NFAT5: variants seen among roughly 807,000 people sequenced by gnomAD.
NFAT5 encodes nuclear factor of activated T cells 5.
Under a neutral mutation model 166.5 loss-of-function variants are expected in NFAT5, and 31 were observed. That is an observed-to-expected ratio of 0.19 (90% CI 0.14 to 0.25). NFAT5 has a LOEUF of 0.25. Among genes scored for constraint, NFAT5 ranks in the 10% least tolerant of loss-of-function variants. NFAT5 has a pLI of 1.00. For synonymous variants in NFAT5, 612 were observed against 639.7 expected (o/e 0.96, Z 0.65); for missense variants, 1,449 against 1,821.8 (o/e 0.80, Z 3.72).
At chr16:69,649,532 A>G (rs1266557641) in intron 4 of NFAT5, 2 of 984,506 alleles carry the variant, frequency 2.0e-6, no homozygotes, top group African/African-American at 3.5e-5. Context: ...TGGAGCAGAA[A>G]TTCCATCAAG....
chr16:69,619,749 C>T (rs965992623), intron 2 of NFAT5, among the ~76,000 whole-genome samples: 1 of 152,154 alleles, frequency 6.6e-6, no homozygotes, highest in Non-Finnish European at 1.5e-5. Flanking sequence ...CTGGAATGAC[C>T]AGTAACAGTA....
intron 3 of NFAT5, among the ~76,000 whole-genome samples, chr16:69,642,788 G>A (rs1172269541): frequency 2.0e-5 from 3 of 151,154 alleles, no homozygotes; most frequent in Non-Finnish European, 4.4e-5. Context: ...CTGTACTCTA[G>A]CCTTGGCAAC....
intron 2 of NFAT5, among the ~76,000 whole-genome samples, chr16:69,586,528 G>A (rs1414594995): frequency 6.6e-6 from 1 of 151,882 alleles, no homozygotes; most frequent in African/African-American, 2.4e-5. Context: ...TCAGCCTCCC[G>A]AGTAGCTGGG....
intron 2 of NFAT5, among the ~76,000 whole-genome samples, chr16:69,612,235 A>G (rs2033735585): frequency 6.6e-6 from 1 of 152,206 alleles, no homozygotes; most frequent in South Asian, 2.1e-4. Flanking sequence ...GCCGAACCTT[A>G]GTCAGAGAAG....
intron 10 of NFAT5, among the ~76,000 whole-genome samples, chr16:69,683,199 G>A (rs960448350): frequency 6.6e-5 from 10 of 151,654 alleles, no homozygotes; most frequent in Non-Finnish European, 1.2e-4. Flanking sequence ...CAACAAGAGC[G>A]AAACTCCGTC....
At chr16:69,675,946 CTTTATTTATAA>C (rs2036816163) in intron 9 of NFAT5, among the ~76,000 whole-genome samples, 1 of 151,994 alleles carries the variant, frequency 6.6e-6, no homozygotes, top group Non-Finnish European at 1.5e-5. Context: ...TGGCCTAGTT[CTTTATTTATAA>C]TGTGACTGTA....
chr16:69,692,354 G>A lies in NFAT5; in HGVS notation c.2529G>A (p.Gln843=). Residue 843 remains glutamine (Q), a synonymous_variant, in exon 13 of 15, where the codon CAG becomes CAA. Transcript: ENST00000349945. ...APDGNENVQE[Q]LSADIFQQVS... ...ATGGTAATGAGAATGTTCAAGAGCA[G>A]CTTAGTGCAGATATTTTTCAACAAG... is the stretch of plus-strand genomic sequence containing the variant. The A allele has an allele frequency of 6.2e-7, 1 of 1,614,204 alleles. No homozygotes were observed. The highest frequency in any genetic ancestry group is 8.5e-7 in the Non-Finnish European group (1 of 1,180,042).
rs2037909157 is a variant in NFAT5, at chr16:69,702,179, CA to C, written c.*5831del. On this transcript the variant is annotated 3_prime_UTR_variant, in exon 15 of 15. Coordinates refer to ENST00000349945, the MANE Select transcript of NFAT5 (RefSeq NM_138713.4). ...TTGATATTATGCACTTTAATCATTCCAAAGAAGCCAAGAATGCTGTATAGTG... is the reference window on the plus strand; with the variant it reads ...TTGATATTATGCACTTTAATCATTCCAAGAAGCCAAGAATGCTGTATAGTG... 1 of 152,572 alleles carries C rather than the reference CA, an allele frequency of 6.6e-6. No homozygotes were observed. Among genetic ancestry groups the C allele is most frequent in the African/African-American group, 2.4e-5 (1 of 41,420 alleles). 9.5% of individuals were successfully genotyped at this position (152,572 alleles called of 1,614,324 possible).
intron 2 of NFAT5, among the ~76,000 whole-genome samples, chr16:69,610,131 A>G (rs2033639897): frequency 6.6e-6 from 1 of 152,234 alleles, no homozygotes; most frequent in Non-Finnish European, 1.5e-5. Flanking sequence ...CTTTAAAAAT[A>G]ACTGAAAGTG....
intron 2 of NFAT5, among the ~76,000 whole-genome samples, chr16:69,580,524 T>TA (rs201610452): frequency 0.32 from 43,267 of 136,428 alleles, 6,403 homozygotes; most frequent in East Asian, 0.47. Flanking sequence ...AGAGCGAAAC[T>TA]AAAAAAAAAA....
chr16:69,678,356 G>A (rs1007878170), intron 10 of NFAT5, among the ~76,000 whole-genome samples: 9 of 151,482 alleles, frequency 5.9e-5, no homozygotes, highest in African/African-American at 1.9e-4. Context: ...CTGGGACTAC[G>A]GGTGTACACC....
At chr16:69,568,366 GTGTGTGTGTGTATA>G (rs1425753292) in intron 1 of NFAT5, 115 bp from the exon 2 acceptor site, 4 of 383,050 alleles carry the variant, frequency 1.0e-5, no homozygotes, top group African/African-American at 8.3e-5. Context: ...GTGTGTGTGT[GTGTGTGTGTGTATA>G]TATATATATA....
Position 69,703,642 on chromosome 16 carries a change from T to C in NFAT5, c.*7291T>C, listed in dbSNP as rs1036341972. 5.9e-5 allele frequency: 9 copies of C among 152,766 alleles called. No homozygotes were observed. Among genetic ancestry groups the C allele is most frequent in the African/African-American group, 1.7e-4 (7 of 41,582 alleles). The allele number at this position is 152,766 out of a possible 1,614,324, so 9.5% of individuals were successfully genotyped here. A position where few individuals can be genotyped will look rare whatever the true frequency, so the allele number is the denominator to read the frequency against. ...TAAAAATCACCACTGCTGTCTTTCC[T>C]TAATACTAGCAGTGGAAATGTAAGT... On this transcript the variant is annotated 3_prime_UTR_variant, in exon 15 of 15. Transcript: ENST00000349945.
chr16:69,625,728 A>G (rs1597424428), intron 2 of NFAT5, among the ~76,000 whole-genome samples: 2 of 152,226 alleles, frequency 1.3e-5, no homozygotes, highest in East Asian at 3.9e-4. Flanking sequence ...GCCATTTCAT[A>G]TGTAAAGGGT....
intron 2 of NFAT5, among the ~76,000 whole-genome samples, chr16:69,578,402 C>CAT (rs1167008329): frequency 6.6e-6 from 1 of 152,070 alleles, no homozygotes; most frequent in Non-Finnish European, 1.5e-5. Flanking sequence ...TGCCCATAGT[C>CAT]ATATATATAC....
intron 11 of NFAT5, chr16:69,685,185 TA>T (rs60967742): frequency 0.1 from 12,835 of 122,340 alleles, 591 homozygotes; most frequent in East Asian, 0.16. Context: ...TATATATATA[TA>T]TATATTTTTT....
At chr16:69,611,339 TGAATG>T (rs1201736359) in intron 2 of NFAT5, among the ~76,000 whole-genome samples, 1 of 152,202 alleles carries the variant, frequency 6.6e-6, no homozygotes, top group Non-Finnish European at 1.5e-5. Flanking sequence ...AATTTTAAAA[TGAATG>T]TATGTTGACA....
intron 2 of NFAT5, among the ~76,000 whole-genome samples, chr16:69,597,201 A>G (rs2032846419): frequency 6.6e-6 from 1 of 152,104 alleles, no homozygotes; most frequent in Non-Finnish European, 1.5e-5. Context: ...AGAGGGAAGG[A>G]GAGGGAAAGG....
chr16:69,663,371 T>C (rs1288212217), intron 7 of NFAT5, among the ~76,000 whole-genome samples: 2 of 152,158 alleles, frequency 1.3e-5, no homozygotes, highest in African/African-American at 4.8e-5. Flanking sequence ...CTCCAGACAA[T>C]ATAGGTGTAT....
Sources: gnomAD v4.1 joint callset for allele counts (sites outside exome capture counted in the v4.1 genomes callset) on GRCh38, gnomAD v4.1.1 for gene constraint, MANE v1.5 for transcripts, NCBI Gene and HGNC (gene_info 2026-07-23, HGNC 2026-07-21) for gene names.